Variants in FGF12 observed in about 807,000 individuals in gnomAD.
FGF12 encodes fibroblast growth factor 12B.
A neutral mutation model predicts 23.6 loss-of-function variants in FGF12; 14 were observed. The observed-to-expected ratio is 0.59, with a 90% CI of 0.39 to 0.93. FGF12 has a LOEUF of 0.93. FGF12 is among the 40% of genes least tolerant of loss of function. The probability of loss-of-function intolerance (pLI) is 0.00; values close to 1 mark genes in which losing one functional copy is unlikely to be tolerated. For missense variants in FGF12, 175 were observed against 217.8 expected (o/e 0.80, Z 1.24); for synonymous variants, 62 against 77.3 (o/e 0.80, Z 1.04).
chr3:192,325,703 C>G (rs887041830), intron 4 of FGF12, among the ~76,000 whole-genome samples: 3 of 152,128 alleles, frequency 2.0e-5, no homozygotes, highest in Admixed American at 6.6e-5. Context: ...GAACAGAATT[C>G]TTTCACTGAG....
intron 2 of FGF12, among the ~76,000 whole-genome samples, chr3:192,414,275 T>C (rs557441369): frequency 6.6e-6 from 1 of 152,284 alleles, no homozygotes; most frequent in East Asian, 1.9e-4. Flanking sequence ...AACAACTCTA[T>C]GAGGTAAGTT....
At chr3:192,676,037 T>C (rs977318062) in intron 2 of FGF12, among the ~76,000 whole-genome samples, 3 of 152,146 alleles carry the variant, frequency 2.0e-5, no homozygotes, top group Non-Finnish European at 4.4e-5. Context: ...CCTGTCCAAA[T>C]GGAGAATGTA....
intron 4 of FGF12, among the ~76,000 whole-genome samples, chr3:192,221,863 A>G (rs1718493655): frequency 6.6e-6 from 1 of 152,204 alleles, no homozygotes; most frequent in African/African-American, 2.4e-5. Flanking sequence ...ATCATGATAT[A>G]AATACCACCA....
chr3:192,630,233 C>T (rs1399435904), intron 2 of FGF12, among the ~76,000 whole-genome samples: 1 of 152,162 alleles, frequency 6.6e-6, no homozygotes, highest in African/African-American at 2.4e-5. Context: ...TCCCCAGAAG[C>T]CAAGCAGATG....
chr3:192,166,483 T>G (rs912920510), intron 5 of FGF12, among the ~76,000 whole-genome samples: 4 of 152,256 alleles, frequency 2.6e-5, no homozygotes, highest in Non-Finnish European at 4.4e-5. Flanking sequence ...GACTGTAGCC[T>G]GTCTTACCAG....
intron 4 of FGF12, among the ~76,000 whole-genome samples, chr3:192,320,172 G>C (rs1716459622): frequency 6.6e-6 from 1 of 152,056 alleles, no homozygotes. Context: ...CATGCAAATG[G>C]AAACCAGAAA....
At chr3:192,401,411 G>A (rs1412565150) in intron 2 of FGF12, among the ~76,000 whole-genome samples, 1 of 152,196 alleles carries the variant, frequency 6.6e-6, no homozygotes, top group East Asian at 1.9e-4. Flanking sequence ...GACAGAATGA[G>A]TGAAAATGGC....
chr3:192,432,953 G>A (rs1721909600), intron 2 of FGF12, among the ~76,000 whole-genome samples: 1 of 152,144 alleles, frequency 6.6e-6, no homozygotes, highest in East Asian at 1.9e-4. Context: ...TAGCATTGGT[G>A]AACTCCCTGA....
chr3:192,429,930 A>T lies in FGF12; in HGVS notation c.14-69392T>A, dbSNP rs138617208. ...TATACCAGATGCTTTCTTCAAAGCCACACAGAGTAGATTTTCAATGGTAAT... is the reference window on the plus strand; with the variant it reads ...TATACCAGATGCTTTCTTCAAAGCCTCACAGAGTAGATTTTCAATGGTAAT... On this transcript the variant is annotated intron_variant, in intron 2 of 5. Coordinates refer to ENST00000445105, the MANE Select transcript of FGF12 (RefSeq NM_004113.6). Among the ~76,000 whole-genome samples the T allele has an allele frequency of 3.9e-5, 6 of 152,322 alleles. No homozygotes were observed. The East Asian group carries it at 1.2e-3, about 29-fold the overall frequency.
intron 2 of FGF12, among the ~76,000 whole-genome samples, chr3:192,621,690 C>CAAAAAAAAAAAAA (rs5855441): frequency 8.5e-5 from 8 of 94,334 alleles, no homozygotes; most frequent in East Asian, 3.6e-4. Context: ...GATACAAATA[C>CAAAAAAAAAAAAA]AAAAAAAAAA....
intron 2 of FGF12, among the ~76,000 whole-genome samples, chr3:192,569,855 C>T (rs1442430386): frequency 6.6e-6 from 1 of 152,128 alleles, no homozygotes; most frequent in East Asian, 1.9e-4. Context: ...ATAGGGAAAA[C>T]ACGACTCATA....
At position 192,408,447 on chromosome 3, in the gene FGF12, A is replaced by G. The variant is rs1423981307; in HGVS notation, c.14-47909T>C. ...GAAAATCCAGATGTAAACTTCCCCA[A>G]CCTCTGGCGGCCGGGGGGCGGGGCG... is the stretch of plus-strand genomic sequence containing the variant. On this transcript the variant is annotated intron_variant, in intron 2 of 5. Coordinates refer to ENST00000445105, the MANE Select transcript of FGF12 (RefSeq NM_004113.6). The surrounding 1 kb of genome is among the most constrained non-coding windows in gnomAD (Gnocchi z 7.3). 3 of 1,345,384 alleles carry G rather than the reference A, an allele frequency of 2.2e-6. No homozygotes were observed. Among genetic ancestry groups the G allele is most frequent in the Non-Finnish European group, 2.8e-6 (3 of 1,053,240 alleles). 83.3% of individuals were successfully genotyped at this position (1,345,384 alleles called of 1,614,324 possible).
intron 4 of FGF12, among the ~76,000 whole-genome samples, chr3:192,277,052 G>T (rs1713833865): frequency 6.6e-6 from 1 of 152,144 alleles, no homozygotes; most frequent in Non-Finnish European, 1.5e-5. Flanking sequence ...ATTCTGAAAG[G>T]CTTCATGTCA....
intron 2 of FGF12, among the ~76,000 whole-genome samples, chr3:192,421,919 AGTG>A (rs1194288226): frequency 6.6e-6 from 1 of 152,062 alleles, no homozygotes; most frequent in Non-Finnish European, 1.5e-5. Context: ...TCTCTGAATA[AGTG>A]GTGGTGGTGG....
intron 2 of FGF12, among the ~76,000 whole-genome samples, chr3:192,375,675 C>T (rs985747089): frequency 1.3e-5 from 2 of 150,772 alleles, no homozygotes; most frequent in Non-Finnish European, 2.9e-5. Context: ...TCTTTCCCCC[C>T]AGACTCAACC....
intron 2 of FGF12, among the ~76,000 whole-genome samples, chr3:192,712,703 G>A (rs938874755): frequency 6.6e-6 from 1 of 151,794 alleles, no homozygotes; most frequent in South Asian, 2.1e-4. Flanking sequence ...TTTCCGATAT[G>A]AAAAGGCTCA....
intron 2 of FGF12, among the ~76,000 whole-genome samples, chr3:192,505,608 T>G (rs1282304448): frequency 6.6e-6 from 1 of 152,150 alleles, no homozygotes; most frequent in Non-Finnish European, 1.5e-5. Flanking sequence ...ATCAGAAAAC[T>G]GCATAATCTG....
At chr3:192,476,786 C>A (rs780523636) in intron 2 of FGF12, among the ~76,000 whole-genome samples, 2 of 152,036 alleles carry the variant, frequency 1.3e-5, no homozygotes, top group Non-Finnish European at 2.9e-5. Flanking sequence ...TGATTATAGC[C>A]AAATTGTAAA....
At position 192,619,004 on chromosome 3, in the gene FGF12, T is replaced by A. The variant is rs531070789; in HGVS notation, c.13+108177A>T. Among the ~76,000 whole-genome samples, 6 of 151,732 alleles carry A rather than the reference T, an allele frequency of 4.0e-5. No homozygotes were observed. The South Asian group carries it at 1.2e-3, about 31-fold the overall frequency. ...CCTATAAAAAATATATATATGTCAA[T>A]ATATAATATATATGTAATATATACA... On this transcript the variant is annotated intron_variant, in intron 2 of 5. Coordinates refer to ENST00000445105, the MANE Select transcript of FGF12 (RefSeq NM_004113.6).
Sources: gnomAD v4.1 joint callset for allele counts (sites outside exome capture counted in the v4.1 genomes callset) on GRCh38, gnomAD v4.1.1 for gene constraint, Gnocchi (gnomAD v3.1) non-coding constraint, MANE v1.5 for transcripts, NCBI Gene and HGNC (gene_info 2026-07-23, HGNC 2026-07-21) for gene names.